Variants in LRRC28 observed in about 807,000 individuals in gnomAD.
LRRC28 encodes leucine-rich repeat-containing protein 28.
In LRRC28, 39 loss-of-function variants were observed where a neutral mutation model predicts 45.7. The ratio of observed to expected loss-of-function variants is 0.85; its 90% CI spans 0.66 to 1.12. The LOEUF (loss-of-function observed/expected upper bound fraction) is 1.12, where lower values mean the gene tolerates loss of function less well. LRRC28 is among the 50% of genes most tolerant of loss of function. The pLI is 0.00. For synonymous variants in LRRC28, 206 were observed against 178.8 expected (o/e 1.15, Z -1.22); for missense variants, 435 against 438.5 (o/e 0.99, Z 0.07).
intron 9 of LRRC28, among the ~76,000 whole-genome samples, chr15:99,376,580 A>T (rs1957641174): frequency 6.6e-6 from 1 of 152,222 alleles, no homozygotes; most frequent in Non-Finnish European, 1.5e-5. Flanking sequence ...ACATGTGCAC[A>T]ACGTGCAGGT....
intron 6 of LRRC28, among the ~76,000 whole-genome samples, chr15:99,334,406 T>A (rs1255040618): frequency 7.9e-6 from 1 of 126,296 alleles, no homozygotes. Flanking sequence ...TTAAAGAGTG[T>A]GTGTGTGTGT....
chr15:99,356,990 G>A (rs750975451), intron 7 of LRRC28, among the ~76,000 whole-genome samples: 5 of 152,182 alleles, frequency 3.3e-5, no homozygotes, highest in Non-Finnish European at 7.3e-5. Context: ...CAGACTCTTT[G>A]TCCAAGCCAA....
intron 5 of LRRC28, among the ~76,000 whole-genome samples, chr15:99,292,609 C>T (rs1727860406): frequency 1.3e-5 from 2 of 152,246 alleles, no homozygotes; most frequent in African/African-American, 4.8e-5. Flanking sequence ...CATGATCCAC[C>T]CGCCTCGGCC....
rs547627181 is a variant in LRRC28, at chr15:99,322,205, T to A, written c.386-11718T>A. ...GCTGATCTGGAGACCATGTTGCTAG[T>A]AAGATGGTGTTAGAGATTTTATTGA... On this transcript the variant is annotated intron_variant, in intron 5 of 9. Transcript: ENST00000301981. 1.5e-4 allele frequency among the ~76,000 whole-genome samples: 23 copies of A among 152,168 alleles called. 1 individual carries two copies. Among genetic ancestry groups the A allele is most frequent in the South Asian group, 1.0e-3 (5 of 4,822 alleles).
At chr15:99,257,538 G>A (rs1021913224) in intron 2 of LRRC28, 8 of 463,962 alleles carry the variant, frequency 1.7e-5, no homozygotes, top group African/African-American at 7.9e-5. Context: ...GGCGGACCAC[G>A]CGGCTGGAGG....
At chr15:99,295,427 AT>A (rs1274245472) in intron 5 of LRRC28, among the ~76,000 whole-genome samples, 3 of 152,214 alleles carry the variant, frequency 2.0e-5, no homozygotes, top group Non-Finnish European at 4.4e-5. Context: ...GAAATAAAGG[AT>A]TGTTGGGGAA....
intron 5 of LRRC28, chr15:99,317,530 G>C (rs954414256): frequency 6.6e-6 from 1 of 152,206 alleles, no homozygotes; most frequent in Non-Finnish European, 1.5e-5. Context: ...TACTTGAGAT[G>C]TGTGTTGTTC....
intron 6 of LRRC28, among the ~76,000 whole-genome samples, chr15:99,340,265 A>G (rs1177979439): frequency 2.0e-5 from 3 of 152,264 alleles, no homozygotes; most frequent in Non-Finnish European, 4.4e-5. Flanking sequence ...GTAATGGTGC[A>G]GTTTTAGAAA....
At chr15:99,369,831 C>T (rs1055878830) in intron 9 of LRRC28, among the ~76,000 whole-genome samples, 1 of 152,164 alleles carries the variant, frequency 6.6e-6, no homozygotes, top group African/African-American at 2.4e-5. Flanking sequence ...AGGCCGGTAA[C>T]CCAATGGTTC....
At position 99,363,474 on chromosome 15, in the gene LRRC28, C is replaced by G. The variant is rs563396306; in HGVS notation, c.1031+209C>G. 8.0e-6 allele frequency: 4 copies of G among 498,382 alleles called. No homozygotes were observed. In the East Asian group the frequency reaches 1.4e-4, roughly 17 times the overall value. 30.9% of individuals were successfully genotyped at this position (498,382 alleles called of 1,614,324 possible). A position where few individuals can be genotyped will look rare whatever the true frequency, so the allele number is the denominator to read the frequency against. On this transcript the variant is annotated intron_variant, in intron 9 of 9. Transcript: ENST00000301981. ...ATTAATTTTTTGGTCATGTGCTGGA[C>G]AGTTTTATTGTATATATTATTTAGA...
chr15:99,332,799 A>C (rs1026320480), intron 5 of LRRC28, among the ~76,000 whole-genome samples: 2 of 152,210 alleles, frequency 1.3e-5, no homozygotes, highest in Non-Finnish European at 2.9e-5. Context: ...AGTAGAGAAG[A>C]CATTGCTAAT....
Position 99,386,083 on chromosome 15 carries a change from C to G in LRRC28, c.1085C>G (p.Thr362Ser). The change falls in exon 10 of 10, where the codon ACT (threonine) becomes AGT (serine). Residue 362 changes from threonine to serine, a missense_variant. Coordinates refer to ENST00000301981, the MANE Select transcript of LRRC28 (RefSeq NM_144598.5). ...TGCTGCTCCACCCAGTGTCTGCAGA[C>G]TTTTGACCTGCTGAGTTGATAAACA... ...AYCCSTQCLQ[T>S]FDLLS is the part of the protein sequence containing the mutation. 1.9e-6 allele frequency: 3 copies of G among 1,614,108 alleles called. No homozygotes were observed. The African/African-American group carries it at 4.0e-5, about 22-fold the overall frequency.
At chr15:99,349,701 C>T (rs186465424) in intron 6 of LRRC28, among the ~76,000 whole-genome samples, 1 of 152,100 alleles carries the variant, frequency 6.6e-6, no homozygotes, top group Non-Finnish European at 1.5e-5. Flanking sequence ...ACCAATGTCC[C>T]TGATACGTAA....
intron 9 of LRRC28, among the ~76,000 whole-genome samples, chr15:99,367,817 T>C (rs377460038): frequency 7.9e-5 from 12 of 152,138 alleles, no homozygotes; most frequent in African/African-American, 2.7e-4. Context: ...CTTCATTACA[T>C]AGACATGATT....
At position 99,376,486 on chromosome 15, in the gene LRRC28, G is replaced by A. The variant is rs559859035; in HGVS notation, c.1032-9544G>A. Among the ~76,000 whole-genome samples the A allele has an allele frequency of 6.6e-5, 10 of 151,870 alleles. No homozygotes were observed. In the South Asian group the frequency reaches 2.1e-3, roughly 32 times the overall value. On this transcript the variant is annotated intron_variant, in intron 9 of 9. Coordinates refer to ENST00000301981, the MANE Select transcript of LRRC28 (RefSeq NM_144598.5). Reference sequence around the variant, plus strand: ...TAAGTTTTCCTTTAAGTACTGCTTTGGCTGCATCCTATTACTTTTTGATGA... The same window carrying A: ...TAAGTTTTCCTTTAAGTACTGCTTTAGCTGCATCCTATTACTTTTTGATGA...
intron 5 of LRRC28, chr15:99,320,870 ATTAG>A (rs1328734622): frequency 1.3e-5 from 2 of 152,204 alleles, no homozygotes; most frequent in Non-Finnish European, 2.9e-5. Flanking sequence ...ATTCCTTCAG[ATTAG>A]TTAATCTTGA....
At chr15:99,291,601 A>G (rs2082123592) in intron 5 of LRRC28, among the ~76,000 whole-genome samples, 1 of 152,232 alleles carries the variant, frequency 6.6e-6, no homozygotes, top group African/African-American at 2.4e-5. Context: ...TATCTGCTTA[A>G]CAAACCCCTT....
intron 2 of LRRC28, among the ~76,000 whole-genome samples, chr15:99,260,196 A>G (rs908091752): frequency 6.6e-6 from 1 of 152,182 alleles, no homozygotes; most frequent in Non-Finnish European, 1.5e-5. Flanking sequence ...TTTTTTAAAC[A>G]TACCTCATGA....
intron 2 of LRRC28, among the ~76,000 whole-genome samples, chr15:99,273,617 A>T (rs1264756734): frequency 6.6e-6 from 1 of 152,236 alleles, no homozygotes; most frequent in African/African-American, 2.4e-5. Flanking sequence ...ATAAAAACAC[A>T]ATGTATCTAC....
Sources: allele counts gnomAD v4.1 joint callset (sites outside exome capture counted in the v4.1 genomes callset), GRCh38; gene constraint gnomAD v4.1.1; transcripts MANE v1.5; gene names NCBI Gene and HGNC (gene_info 2026-07-23, HGNC 2026-07-21).